The following SORBS2 variants were observed in gnomAD, a reference collection of about 807,000 sequenced individuals.
SORBS2 encodes sorbin and SH3 domain-containing protein 2.
In SORBS2, 46 loss-of-function variants were observed where a neutral mutation model predicts 97.7. The ratio of observed to expected loss-of-function variants is 0.47; its 90% confidence interval spans 0.37 to 0.60. The LOEUF is 0.60. SORBS2 is among the 20% of genes least tolerant of loss of function. SORBS2 has a pLI of 0.00. For synonymous variants in SORBS2, 476 were observed against 473.4 expected, an observed-to-expected ratio of 1.01 and a Z score of -0.07; for missense variants, 1,316 against 1,282.3, an observed-to-expected ratio of 1.03 and a Z score of -0.40.
chr4:185,641,606 C>T (rs1294234631), intron 4 of SORBS2, among the ~76,000 whole-genome samples: 2 of 152,014 alleles, frequency 1.3e-5, no homozygotes, highest in South Asian at 4.2e-4. Context: ...CATGGACATT[C>T]CTTTGAGTAC....
chr4:185,604,935 G>A (rs977292511), intron 12 of SORBS2, among the ~76,000 whole-genome samples: 4 of 152,182 alleles, frequency 2.6e-5, no homozygotes, highest in Non-Finnish European at 4.4e-5. Context: ...CGTGCAGGGT[G>A]TGAGCTGGTG....
At chr4:185,893,808 T>A (rs565671977) in intron 1 of SORBS2, among the ~76,000 whole-genome samples, 1 of 152,136 alleles carries the variant, frequency 6.6e-6, no homozygotes, top group South Asian at 2.1e-4. Context: ...CGGTGTCTTG[T>A]TATGTGGATA....
chr4:185,691,889 C>T (rs2098103793), intron 2 of SORBS2, among the ~76,000 whole-genome samples: 2 of 152,178 alleles, frequency 1.3e-5, no homozygotes, highest in Non-Finnish European at 2.9e-5. Context: ...GGACTACAGG[C>T]ACCCGCCACC....
chr4:185,813,723 C>G (rs915913642), intron 1 of SORBS2, among the ~76,000 whole-genome samples: 1 of 152,194 alleles, frequency 6.6e-6, no homozygotes, highest in Non-Finnish European at 1.5e-5. Flanking sequence ...TCTGCCTCCT[C>G]TTTTATCTTC....
intron 1 of SORBS2, among the ~76,000 whole-genome samples, chr4:185,797,582 G>A (rs967188234): frequency 2.6e-5 from 4 of 152,116 alleles, no homozygotes; most frequent in Non-Finnish European, 4.4e-5. Flanking sequence ...GCGCTATGCC[G>A]GTCATTTTGC....
intron 2 of SORBS2, among the ~76,000 whole-genome samples, chr4:185,688,033 G>A (rs2098004362): frequency 6.6e-6 from 1 of 152,140 alleles, no homozygotes; most frequent in Non-Finnish European, 1.5e-5. Context: ...CCTACTGCTG[G>A]AAACCCCTCA....
chr4:185,787,087 A>T (rs983058893), intron 1 of SORBS2, among the ~76,000 whole-genome samples: 28 of 151,600 alleles, frequency 1.8e-4, no homozygotes, highest in Admixed American at 6.6e-5. Context: ...AAGTGGTTGC[A>T]GAGGAGGGGT....
At chr4:185,946,510 G>T (rs892228156) in intron 1 of SORBS2, among the ~76,000 whole-genome samples, 3 of 152,136 alleles carry the variant, frequency 2.0e-5, no homozygotes, top group Admixed American at 1.3e-4. Flanking sequence ...ATGAATTCCA[G>T]AAAAATCAAT....
intron 1 of SORBS2, among the ~76,000 whole-genome samples, chr4:185,929,643 C>T (rs1479692188): frequency 1.3e-5 from 2 of 150,886 alleles, no homozygotes; most frequent in African/African-American, 4.9e-5. Context: ...TCAAGAGATT[C>T]TCCTGCCTCA....
intron 1 of SORBS2, among the ~76,000 whole-genome samples, chr4:185,944,558 C>G (rs1474985301): frequency 1.3e-5 from 2 of 152,178 alleles, no homozygotes; most frequent in Non-Finnish European, 2.9e-5. Context: ...CCTTTTGATG[C>G]ATTGACACTT....
chr4:185,694,263 T>C (rs901674421), intron 2 of SORBS2, among the ~76,000 whole-genome samples: 3 of 152,238 alleles, frequency 2.0e-5, no homozygotes, highest in South Asian at 2.1e-4. Context: ...CACAGATTAT[T>C]CTGGAAAGCA....
chr4:185,633,846 T>A (rs1409997877), intron 4 of SORBS2, among the ~76,000 whole-genome samples: 1 of 152,094 alleles, frequency 6.6e-6, no homozygotes, highest in Non-Finnish European at 1.5e-5. Context: ...AAATTCCATT[T>A]CAGTTATCTA....
chr4:185,757,239 C>T, intron 2 of SORBS2: 1 of 263,692 alleles, frequency 3.8e-6, no homozygotes, highest in Non-Finnish European at 7.4e-6. Flanking sequence ...TTGCAAGCCC[C>T]TCCAAGGAAC....
chr4:185,639,503 T>G (rs2097092459), intron 4 of SORBS2, among the ~76,000 whole-genome samples: 1 of 152,228 alleles, frequency 6.6e-6, no homozygotes, highest in Non-Finnish European at 1.5e-5. Flanking sequence ...AGAAAACAGA[T>G]GTAGAGTGTT....
At chr4:185,804,834 TTTGA>T in intron 1 of SORBS2, among the ~76,000 whole-genome samples, 1 of 152,096 alleles carries the variant, frequency 6.6e-6, no homozygotes, top group Admixed American at 6.5e-5. Context: ...AAGCAGATAT[TTTGA>T]TTGACTGTGT....
chr4:185,678,780 A>C lies in SORBS2; in HGVS notation c.-171+16T>G. The C allele has an allele frequency of 6.9e-7, 1 of 1,441,588 alleles. No individual in the cohort carries two copies. The highest frequency in any genetic ancestry group is 2.6e-5 in the East Asian group (1 of 38,726). The allele number at this position is 1,441,588 out of a possible 1,614,324, so 89.3% of individuals were successfully genotyped here. A position where few individuals can be genotyped will look rare whatever the true frequency, so the allele number is the denominator to read the frequency against. ...CACAAATAATATAATAATTATTCAG[A>C]ATATTTTTTCTGTACCTGAGTCTGG... is the stretch of plus-strand genomic sequence containing the variant. On this transcript the variant is annotated intron_variant, in intron 3 of 20. Coordinates refer to the SORBS2 transcript ENST00000284776.
intron 6 of SORBS2, among the ~76,000 whole-genome samples, chr4:185,626,535 C>T (rs1435464710): frequency 2.0e-5 from 3 of 152,188 alleles, no homozygotes; most frequent in Non-Finnish European, 2.9e-5. Context: ...TTACAAAATA[C>T]ATCTTTTAGT....
chr4:185,861,419 T>C (rs907922500), intron 1 of SORBS2, among the ~76,000 whole-genome samples: 1 of 151,938 alleles, frequency 6.6e-6, no homozygotes, highest in Non-Finnish European at 1.5e-5. Context: ...GTGTTTTGAG[T>C]GCTTGAGAGA....
At chr4:185,931,932 A>T (rs2099266658) in intron 1 of SORBS2, among the ~76,000 whole-genome samples, 1 of 151,754 alleles carries the variant, frequency 6.6e-6, no homozygotes, top group Non-Finnish European at 1.5e-5. Flanking sequence ...GTGGAAAAGA[A>T]TTCTTATATG....
Sources: gnomAD v4.1 joint callset for allele counts (sites outside exome capture counted in the v4.1 genomes callset) on GRCh38, gnomAD v4.1.1 for gene constraint, MANE v1.5 for transcripts, NCBI Gene and HGNC (gene_info 2026-07-23, HGNC 2026-07-21) for gene names.